PKP2: variants seen among roughly 807,000 people sequenced by gnomAD.
PKP2 encodes the protein plakophilin-2.
Under a neutral mutation model 83.4 loss-of-function variants are expected in PKP2, and 73 were observed. That is an observed-to-expected ratio of 0.88 (90% confidence interval 0.72 to 1.06). The LOEUF (loss-of-function observed/expected upper bound fraction) is 1.06, where lower values mean the gene tolerates loss of function less well. PKP2 is among the 50% of genes least tolerant of loss of function. The probability of loss-of-function intolerance (pLI) is 0.00; values close to 1 mark genes in which losing one functional copy is unlikely to be tolerated. For synonymous variants in PKP2, 409 were observed against 430.4 expected, an observed-to-expected ratio of 0.95 and a Z score of 0.62; for missense variants, 966 against 1,065.4, an observed-to-expected ratio of 0.91 and a Z score of 1.30.
intron 1 of PKP2, chr12:32,893,424 G>A (rs930525799): frequency 6.6e-6 from 1 of 152,242 alleles, no homozygotes; most frequent in East Asian, 1.9e-4. Flanking sequence ...GAACCACCAC[G>A]AGCCCCCAGA....
At chr12:32,864,685 A>T (rs928259280) in intron 4 of PKP2, among the ~76,000 whole-genome samples, 3 of 152,216 alleles carry the variant, frequency 2.0e-5, no homozygotes, top group African/African-American at 7.2e-5. Flanking sequence ...CTGATTCTAA[A>T]CTTCAAATGG....
intron 4 of PKP2, among the ~76,000 whole-genome samples, chr12:32,853,202 CAAA>C (rs1956715916): frequency 6.6e-6 from 1 of 152,128 alleles, no homozygotes; most frequent in Admixed American, 6.5e-5. Context: ...TGAAATACTT[CAAA>C]ATCTGAAACT....
intron 4 of PKP2, among the ~76,000 whole-genome samples, chr12:32,853,406 A>C (rs1318067334): frequency 7.9e-5 from 12 of 151,762 alleles, no homozygotes; most frequent in Non-Finnish European, 1.3e-4. Flanking sequence ...AAAAAAAAAA[A>C]AAAAAACCAA....
At chr12:32,882,531 A>C (rs1956995722) in intron 1 of PKP2, among the ~76,000 whole-genome samples, 1 of 152,216 alleles carries the variant, frequency 6.6e-6, no homozygotes, top group Admixed American at 6.5e-5. Context: ...GACAGGACCC[A>C]GTGAAACAGT....
At chr12:32,845,923 C>T (rs958286401) in intron 5 of PKP2, among the ~76,000 whole-genome samples, 34 of 151,976 alleles carry the variant, frequency 2.2e-4, no homozygotes, top group African/African-American at 7.0e-4. Context: ...ATATATAAAC[C>T]CAGGGTACCT....
rs558878149 is a variant in PKP2 at position 32,896,054 on chromosome 12, T to C, written c.223+455A>G. ...GGAGCGCCAGTGCTGTCGGTTTTTT[T>C]CCCCAAGATATTTATGGGGGTCATT... On this transcript the variant is annotated intron_variant, in intron 1 of 12. Coordinates refer to ENST00000340811, the MANE Select transcript of PKP2 (RefSeq NM_001005242.3). Among the ~76,000 whole-genome samples the C allele has an allele frequency of 7.2e-5, 11 of 152,304 alleles. 1 individual carries two copies. Among genetic ancestry groups the C allele is most frequent in the African/African-American group, 1.7e-4 (7 of 41,576 alleles).
Position 32,822,492 on chromosome 12 carries a change from C to T in PKP2, c.1814G>A (p.Gly605Asp). 6.2e-7 allele frequency: 1 copy of T among 1,614,084 alleles called. No homozygotes were observed. The change falls in exon 8 of 13, where the codon GGC becomes GAC. Residue 605 changes from glycine (G) to aspartate (D), a missense_variant. Transcript: ENST00000340811. ...TDNNKSIGCF[G>D]SRSRKVKEQY... ...CTCTTTTACTTTCCTGCTTCGACTG[C>T]CAAAACATCCAATACTTTTGTTGTT...
chr12:32,894,131 T>C (rs1288849503), intron 1 of PKP2: 1 of 152,140 alleles, frequency 6.6e-6, no homozygotes, highest in Non-Finnish European at 1.5e-5. Context: ...TTTACCATGT[T>C]GGTCAGGCTG....
At chr12:32,797,728 T>TG (rs2137713916) in intron 10 of PKP2, among the ~76,000 whole-genome samples, 1 of 151,668 alleles carries the variant, frequency 6.6e-6, no homozygotes, top group East Asian at 2.0e-4. Flanking sequence ...GCTAATTTTT[T>TG]TGTATTTTTA....
At chr12:32,872,254 G>A (rs531917338) in intron 3 of PKP2, among the ~76,000 whole-genome samples, 11 of 152,216 alleles carry the variant, frequency 7.2e-5, no homozygotes, top group Non-Finnish European at 4.4e-5. Flanking sequence ...TAACTTGGCC[G>A]GGCGGTGGTG....
At chr12:32,864,309 TACACACACACAC>T (rs35886681) in intron 4 of PKP2, among the ~76,000 whole-genome samples, 6 of 145,850 alleles carry the variant, frequency 4.1e-5, no homozygotes, top group Middle Eastern at 3.7e-3. Context: ...ACTATACACA[TACACACACACAC>T]ACACACACAC....
intron 5 of PKP2, among the ~76,000 whole-genome samples, chr12:32,848,124 G>A (rs1327040916): frequency 6.6e-6 from 1 of 152,180 alleles, no homozygotes; most frequent in East Asian, 1.9e-4. Context: ...ATGCTGGCAA[G>A]AGCGTAGCAT....
At chr12:32,855,950 A>G (rs1160856382) in intron 4 of PKP2, among the ~76,000 whole-genome samples, 1 of 152,088 alleles carries the variant, frequency 6.6e-6, no homozygotes, top group Non-Finnish European at 1.5e-5. Flanking sequence ...TCGATTTAAA[A>G]ATCGAAATAA....
In PKP2 at chr12:32,850,906, C is replaced by T. The variant is rs200715477; in HGVS notation, c.1238G>A (p.Arg413Gln). The T allele has an allele frequency of 2.8e-5, 45 of 1,613,970 alleles. No individual in the cohort carries two copies. The highest frequency in any genetic ancestry group is 2.7e-5 in the Non-Finnish European group (32 of 1,179,984). The change falls in exon 5 of 13, where the codon CGA (arginine) becomes CAA (glutamine). Residue 413 changes from arginine (R) to glutamine (Q), a missense_variant. Transcript: ENST00000340811. ...GTTTCTCAAGGCCCCACACACAGCT[C>T]GCTGAACGTCTTCATTCTGAACTTT... is the stretch of plus-strand genomic sequence containing the variant. ...LLKVQNEDVQ[R>Q]AVCGALRNLV...
chr12:32,875,269 T>C (rs1242086516), intron 3 of PKP2, among the ~76,000 whole-genome samples: 6 of 152,106 alleles, frequency 3.9e-5, no homozygotes, highest in African/African-American at 1.4e-4. Flanking sequence ...AAATAGGTGG[T>C]ATCTGAGCTA....
intron 9 of PKP2, 59 bp downstream of exon 9, chr12:32,821,297 T>C: frequency 2.9e-6 from 4 of 1,376,418 alleles, no homozygotes; most frequent in East Asian, 2.3e-5. Flanking sequence ...CTGAATTGAA[T>C]GTAGGTATGT....
chr12:32,852,170 T>C (rs1423676477), intron 4 of PKP2, among the ~76,000 whole-genome samples: 1 of 152,234 alleles, frequency 6.6e-6, no homozygotes, highest in East Asian at 1.9e-4. Flanking sequence ...TCATTTTCAC[T>C]ATCTTCATGA....
Position 32,896,766 on chromosome 12 carries a change from C to T in PKP2, c.-35G>A, listed in dbSNP as rs1957129978. 5 of 1,179,640 alleles carry T rather than the reference C, an allele frequency of 4.2e-6. No homozygotes were observed. Among genetic ancestry groups the T allele is most frequent in the Non-Finnish European group, 4.5e-6 (4 of 888,290 alleles). 73.1% of individuals were successfully genotyped at this position (1,179,640 alleles called of 1,614,324 possible). A position where few individuals can be genotyped will look rare whatever the true frequency, so the allele number is the denominator to read the frequency against. Reference sequence around the variant, plus strand: ...GGGGGCGACCGAGCTGCTCGCCTGCCTCTGGACTCGCGGGCGAAGCCGCCA... The same window carrying T: ...GGGGGCGACCGAGCTGCTCGCCTGCTTCTGGACTCGCGGGCGAAGCCGCCA... On this transcript the variant is annotated 5_prime_UTR_variant, in exon 1 of 13. Coordinates refer to ENST00000340811, the MANE Select transcript of PKP2 (RefSeq NM_001005242.3).
chr12:32,804,708 G>A (rs543109512), intron 9 of PKP2, among the ~76,000 whole-genome samples: 1 of 152,248 alleles, frequency 6.6e-6, no homozygotes, highest in South Asian at 2.1e-4. Context: ...TCACTGGTGG[G>A]CATTTGGGTT....
Sources: allele counts gnomAD v4.1 joint callset (sites outside exome capture counted in the v4.1 genomes callset), GRCh38; gene constraint gnomAD v4.1.1; transcripts MANE v1.5; gene names NCBI Gene and HGNC (gene_info 2026-07-23, HGNC 2026-07-21).